KIF13B: variants seen among roughly 807,000 people sequenced by gnomAD.
The protein encoded by KIF13B is kinesin-like protein KIF13B.
In KIF13B, 127 loss-of-function variants were observed where a neutral mutation model predicts 222.0. That is an observed-to-expected ratio of 0.57 (90% confidence interval 0.50 to 0.66). The LOEUF is 0.66. Ranked by LOEUF, KIF13B falls within the 30% of genes least tolerant of loss-of-function variation. KIF13B has a pLI of 0.00. For synonymous variants in KIF13B, 976 were observed against 919.0 expected, an observed-to-expected ratio of 1.06 and a Z score of -1.12; for missense variants, 2,173 against 2,379.0, an observed-to-expected ratio of 0.91 and a Z score of 1.80.
rs1308638938 is a variant in KIF13B at position 29,072,310 on chromosome 8, G to C, written c.4528C>G (p.Pro1510Ala). 7.1e-7 allele frequency: 1 copy of C among 1,413,862 alleles called. No individual in the cohort carries two copies. The highest frequency in any genetic ancestry group is 9.3e-7 in the Non-Finnish European group (1 of 1,080,494). The allele number at this position is 1,413,862 out of a possible 1,614,324, so 87.6% of individuals were successfully genotyped here. The change falls in exon 39 of 40, where the codon CCG (proline) becomes GCG (alanine). Residue 1510 changes from proline to alanine, a missense_variant. Pro to Ala is a conservative substitution (Grantham distance 27, BLOSUM62 -1). Transcript: ENST00000524189. ...ACCAGCACGTCAGGGCCCATCTCCG[G>C]CTGAGCCTGCAGCAGGACGGGGAAG... ...IRVTRMEEAQ[P>A]EMGPDVLVQT...
At chr8:29,120,232 GGTTA>G (rs1809801872) in intron 29 of KIF13B, among the ~76,000 whole-genome samples, 2 of 124,622 alleles carry the variant, frequency 1.6e-5, no homozygotes, top group African/African-American at 6.2e-5. Context: ...ACATTGTGCA[GGTTA>G]GTTACATATG....
chr8:29,228,826 CT>C (rs141022491), intron 2 of KIF13B, among the ~76,000 whole-genome samples: 14,273 of 151,958 alleles, frequency 0.094, 704 homozygotes, highest in Non-Finnish European at 0.1. Context: ...AGGCCTCAGG[CT>C]CTCACCTAAC....
chr8:29,115,553 C>T (rs998461972), intron 31 of KIF13B, among the ~76,000 whole-genome samples: 5 of 152,032 alleles, frequency 3.3e-5, no homozygotes, highest in East Asian at 3.9e-4. Flanking sequence ...CTCAAACTCC[C>T]GACCTCAGGT....
chr8:29,076,623 A>G (rs1807572054), intron 37 of KIF13B, among the ~76,000 whole-genome samples: 1 of 152,160 alleles, frequency 6.6e-6, no homozygotes, highest in African/African-American at 2.4e-5. Context: ...GGTGCTCACC[A>G]TGTTTACAAG....
chr8:29,215,990 T>C (rs1457479498), intron 2 of KIF13B, among the ~76,000 whole-genome samples: 1 of 152,158 alleles, frequency 6.6e-6, no homozygotes, highest in Admixed American at 6.5e-5. Flanking sequence ...AAACAGACAA[T>C]ACACCCAATA....
rs1813043867 is a variant in KIF13B, at chr8:29,188,578, C to T, written c.253G>A (p.Glu85Lys). The T allele has an allele frequency of 6.2e-7, 1 of 1,612,062 alleles. No homozygotes were observed. The part of the protein sequence containing the change: ...GQDIVFKCLG[E>K]NILQNAFDGY... ...TCAAAAGCATTCTGCAGGATATTCT[C>T]TCCAAGGCACTTGAAAACAATATCT... Residue 85 changes from glutamate (E) to lysine (K), a missense_variant, in exon 5 of 40, where the codon GAG (glutamate) becomes AAG (lysine). Physicochemically the swap from Glu to Lys is moderately conservative, Grantham distance 56. This residue lies in a region of KIF13B where 1,480 missense variants were observed against 1,722.8 expected (regional missense o/e 0.86). Coordinates refer to ENST00000524189, the MANE Select transcript of KIF13B (RefSeq NM_015254.4).
chr8:29,138,246 A>T (rs1810651450), intron 21 of KIF13B, among the ~76,000 whole-genome samples: 1 of 152,028 alleles, frequency 6.6e-6, no homozygotes, highest in Non-Finnish European at 1.5e-5. Flanking sequence ...GAGGTGGGAG[A>T]ATCGCTTGAA....
chr8:29,221,826 T>C (rs1814765279), intron 2 of KIF13B, among the ~76,000 whole-genome samples: 1 of 152,208 alleles, frequency 6.6e-6, no homozygotes, highest in Non-Finnish European at 1.5e-5. Context: ...ACATATCCAT[T>C]GGTATCAAAA....
intron 36 of KIF13B, among the ~76,000 whole-genome samples, chr8:29,096,611 A>C (rs1347469364): frequency 6.6e-6 from 1 of 152,046 alleles, no homozygotes; most frequent in Non-Finnish European, 1.5e-5. Context: ...AAGCAAAAAG[A>C]ATAACGTCAT....
intron 2 of KIF13B, among the ~76,000 whole-genome samples, chr8:29,216,668 C>A (rs1441651246): frequency 6.6e-6 from 1 of 152,012 alleles, no homozygotes; most frequent in Non-Finnish European, 1.5e-5. Context: ...TGCCCTCCCA[C>A]CCATGGCAAA....
intron 2 of KIF13B, among the ~76,000 whole-genome samples, chr8:29,212,503 A>G (rs2130481259): frequency 6.6e-6 from 1 of 152,324 alleles, no homozygotes; most frequent in South Asian, 2.1e-4. Context: ...AAAGAAGAGA[A>G]AAATTTTCTC....
intron 24 of KIF13B, among the ~76,000 whole-genome samples, chr8:29,130,187 A>G (rs1344793068): frequency 6.6e-6 from 1 of 152,184 alleles, no homozygotes; most frequent in African/African-American, 2.4e-5. Context: ...CTTACCTAAC[A>G]CTAACAGAAC....
chr8:29,107,527 A>AT lies in KIF13B; in HGVS notation c.4215+611_4215+612insA, dbSNP rs368874380. 2.2e-3 allele frequency among the ~76,000 whole-genome samples: 327 copies of AT among 149,396 alleles called. 3 individuals carry two copies. Among genetic ancestry groups the AT allele is most frequent in the African/African-American group, 7.9e-3 (323 of 40,640 alleles). ...TGGGTGACAAGAGCGAAACATCATC[A>AT]CACACACACACACACAAAATCTAAT... On this transcript the variant is annotated intron_variant, in intron 35 of 39. Transcript: ENST00000524189.
Position 29,147,428 on chromosome 8 carries a change from C to T in KIF13B, c.1988G>A (p.Ser663Asn). The T allele has an allele frequency of 6.2e-7, 1 of 1,610,706 alleles. No individual in the cohort carries two copies. Among genetic ancestry groups the T allele is most frequent in the African/African-American group, 1.3e-5 (1 of 74,992 alleles). The change falls in exon 17 of 40, where the codon AGC (serine) becomes AAC (asparagine). Residue 663 changes from serine (S) to asparagine (N), a missense_variant. Physicochemically the swap from Ser to Asn is conservative, Grantham distance 46. Coordinates refer to ENST00000524189, the MANE Select transcript of KIF13B (RefSeq NM_015254.4). ...CCACTGTCTTAAGCGTTGCTGAGCG[C>T]TGGGCGAGTGGAAAGAAAACCTGTC... ...SMDRFSFHSPSAQQRLRQWAE... is the reference protein window; with the variant it reads ...SMDRFSFHSPNAQQRLRQWAE...
rs779345859 is a variant in KIF13B at position 29,071,692 on chromosome 8, C to A, written c.5146G>T (p.Val1716Leu). Residue 1716 changes from valine (V) to leucine (L), a missense_variant, in exon 39 of 40, where the codon GTG becomes TTG. Val to Leu is a conservative substitution (Grantham distance 32). This residue lies in a region of KIF13B where 693 missense variants were observed against 656.2 expected (regional missense o/e 1.06). Transcript: ENST00000524189. This position sits in a 1 kb window ranked among gnomAD's most constrained non-coding sequence, Gnocchi z 4.9. ...FVTVGAHKTG[V>L]VRYVGPADFQ... ...TCGGCAGGCCCCACGTATCTCACCA[C>A]GCCCGTTTTGTGGGCGCCCACGGTG... 1.9e-4 allele frequency: 290 copies of A among 1,552,926 alleles called. No homozygotes were observed. Among genetic ancestry groups the A allele is most frequent in the Non-Finnish European group, 2.4e-4 (280 of 1,148,452 alleles).
intron 2 of KIF13B, among the ~76,000 whole-genome samples, chr8:29,209,326 T>C (rs947024992): frequency 1.3e-5 from 2 of 152,176 alleles, no homozygotes; most frequent in Non-Finnish European, 2.9e-5. Context: ...CTCTCCATTC[T>C]GATGTGGACT....
chr8:29,085,854 A>AC (rs1808029655), intron 37 of KIF13B, among the ~76,000 whole-genome samples: 1 of 141,740 alleles, frequency 7.1e-6, no homozygotes, highest in African/African-American at 2.9e-5. Context: ...CGTAACAAAA[A>AC]AAAAAAAAAA....
chr8:29,176,932 G>A (rs1369281886), intron 9 of KIF13B, among the ~76,000 whole-genome samples: 1 of 152,188 alleles, frequency 6.6e-6, no homozygotes, highest in African/African-American at 2.4e-5. Flanking sequence ...ACAGTGTTTA[G>A]TAAAGGAAAA....
chr8:29,083,451 G>C (rs528314519), intron 37 of KIF13B, among the ~76,000 whole-genome samples: 366 of 152,308 alleles, frequency 2.4e-3, no homozygotes, highest in Middle Eastern at 6.8e-3. Context: ...ATTGCTAGCA[G>C]ATGCACCTCT....
Sources: allele counts gnomAD v4.1 joint callset (sites outside exome capture counted in the v4.1 genomes callset), GRCh38; gene constraint gnomAD v4.1.1; regional missense constraint gnomAD v4.1.1; non-coding constraint Gnocchi (gnomAD v3.1); transcripts MANE v1.5; gene names NCBI Gene and HGNC (gene_info 2026-07-23, HGNC 2026-07-21).